Variants in PLEKHM2 observed in about 807,000 individuals in gnomAD.
The protein encoded by PLEKHM2 is pleckstrin homology and RUN domain containing M2.
Under a neutral mutation model 116.3 loss-of-function variants are expected in PLEKHM2, and 77 were observed. The observed-to-expected ratio is 0.66, with a 90% confidence interval of 0.55 to 0.80. PLEKHM2 has a LOEUF of 0.80. Ranked by LOEUF, PLEKHM2 falls within the 30% of genes least tolerant of loss-of-function variation. The probability of loss-of-function intolerance (pLI) is 0.00; values close to 1 mark genes in which losing one functional copy is unlikely to be tolerated. For missense variants in PLEKHM2, 1,183 were observed against 1,354.9 expected (o/e 0.87, Z 1.99); for synonymous variants, 562 against 571.0 (o/e 0.98, Z 0.22).
At chr1:15,723,834 GT>G (rs2068026164) in intron 7 of PLEKHM2, among the ~76,000 whole-genome samples, 1 of 152,144 alleles carries the variant, frequency 6.6e-6, no homozygotes, top group African/African-American at 2.4e-5. Flanking sequence ...TTGACAGCTG[GT>G]TGGGCCCCCA....
intron 1 of PLEKHM2, among the ~76,000 whole-genome samples, chr1:15,706,832 T>G (rs1641236508): frequency 6.6e-6 from 1 of 152,248 alleles, no homozygotes; most frequent in Admixed American, 6.5e-5. Context: ...AATTTATCTC[T>G]GCCACCGTGT....
At chr1:15,696,958 AT>A (rs1462755273) in intron 1 of PLEKHM2, among the ~76,000 whole-genome samples, 1 of 152,070 alleles carries the variant, frequency 6.6e-6, no homozygotes, top group Non-Finnish European at 1.5e-5. Flanking sequence ...TCCCCCCAGG[AT>A]CCCCCAGCCT....
At position 15,728,236 on chromosome 1, in the gene PLEKHM2, C is replaced by G; in HGVS notation, c.1831-31C>G. ...CCCCCGCTGGAGCGGCAGGAGCCAC[C>G]TGCCTGACCCTTGTCTGCTTCGGCC... On this transcript the variant is annotated intron_variant, in intron 10 of 19. Transcript: ENST00000375799. The surrounding 1 kb of genome is among the most constrained non-coding windows in gnomAD (Gnocchi z 5.9). The G allele has an allele frequency of 6.2e-7, 1 of 1,610,568 alleles. No individual in the cohort carries two copies.
Position 15,729,745 on chromosome 1 carries a change from A to G in PLEKHM2, c.2076-52A>G, listed in dbSNP as rs934111073. Reference sequence around the variant, plus strand: ...CAGCGCTCAAGACTAAGCCCTGTCCAGTTGAGGCCCTGTTCCCAGGCCTCT... The same window carrying G: ...CAGCGCTCAAGACTAAGCCCTGTCCGGTTGAGGCCCTGTTCCCAGGCCTCT... On this transcript the variant is annotated intron_variant, in intron 13 of 19. Transcript: ENST00000375799. The surrounding 1 kb of genome is among the most constrained non-coding windows in gnomAD (Gnocchi z 4.7). 1.9e-6 allele frequency: 3 copies of G among 1,539,796 alleles called. No individual in the cohort carries two copies. In the African/African-American group the frequency reaches 4.1e-5, roughly 21 times the overall value.
rs887589197 is a variant in PLEKHM2 at position 15,721,595 on chromosome 1, T to C, written c.712+207T>C. On this transcript the variant is annotated intron_variant, in intron 7 of 19. Coordinates refer to ENST00000375799, the MANE Select transcript of PLEKHM2 (RefSeq NM_015164.4). The surrounding 1 kb of genome is among the most constrained non-coding windows in gnomAD (Gnocchi z 5.1). The stretch of plus-strand genomic sequence containing the variant: ...CAAATCCCTTCTCCCAGTGCAGGGC[T>C]CCTGCCTTTGCTCAGTGGCCTTTCG... Among the ~76,000 whole-genome samples, 1 of 152,170 alleles carries C rather than the reference T, an allele frequency of 6.6e-6. No individual in the cohort carries two copies. Among genetic ancestry groups the C allele is most frequent in the Non-Finnish European group, 1.5e-5 (1 of 68,022 alleles).
intron 7 of PLEKHM2, among the ~76,000 whole-genome samples, chr1:15,724,413 T>C (rs1314926787): frequency 1.3e-5 from 2 of 150,066 alleles, no homozygotes; most frequent in African/African-American, 4.9e-5. Flanking sequence ...AACCCGGGAG[T>C]TGGAGGTTGT....
intron 8 of PLEKHM2, 142 bp downstream of exon 8, chr1:15,725,687 G>C: frequency 1.6e-6 from 1 of 631,452 alleles, no homozygotes; most frequent in Non-Finnish European, 2.8e-6. Context: ...CCCACCTCTA[G>C]GAGGTTCTTT....
chr1:15,689,880 C>G (rs936096169), intron 1 of PLEKHM2, among the ~76,000 whole-genome samples: 1 of 152,130 alleles, frequency 6.6e-6, no homozygotes, highest in Non-Finnish European at 1.5e-5. Context: ...CCTCAGCCTC[C>G]CAAGTAGCTG....
intron 7 of PLEKHM2, among the ~76,000 whole-genome samples, chr1:15,724,882 G>T (rs1401586904): frequency 6.6e-6 from 1 of 152,162 alleles, no homozygotes; most frequent in African/African-American, 2.4e-5. Context: ...GGCTAACGGG[G>T]CTGCTGGGTA....
Position 15,727,165 on chromosome 1 carries a change from C to G in PLEKHM2, c.1093C>G (p.Pro365Ala), listed in dbSNP as rs564943857. ...CAGCCCAAGCCTTGGGCGGGACTCGCCAGACACTATGCTTGCCTCCCCCCA... is the reference window on the plus strand; with the variant it reads ...CAGCCCAAGCCTTGGGCGGGACTCGGCAGACACTATGCTTGCCTCCCCCCA... Reference protein sequence around the residue: ...NGSPSLGRDSPDTMLASPQEE... With the variant: ...NGSPSLGRDSADTMLASPQEE... The change falls in exon 9 of 20, where the codon CCA becomes GCA. Residue 365 changes from proline (P) to alanine (A), a missense_variant. Coordinates refer to ENST00000375799, the MANE Select transcript of PLEKHM2 (RefSeq NM_015164.4). The surrounding 1 kb of genome is among the most constrained non-coding windows in gnomAD (Gnocchi z 7.5). 6.2e-7 allele frequency: 1 copy of G among 1,602,382 alleles called. No homozygotes were observed. The highest frequency in any genetic ancestry group is 2.2e-5 in the East Asian group (1 of 44,518).
chr1:15,729,026 T>C lies in PLEKHM2; in HGVS notation c.1987-76T>C. The C allele has an allele frequency of 7.2e-7, 1 of 1,379,682 alleles. No individual in the cohort carries two copies. The allele number at this position is 1,379,682 out of a possible 1,614,324, so 85.5% of individuals were successfully genotyped here. On this transcript the variant is annotated intron_variant, in intron 12 of 19. Coordinates refer to ENST00000375799, the MANE Select transcript of PLEKHM2 (RefSeq NM_015164.4). This position sits in a 1 kb window ranked among gnomAD's most constrained non-coding sequence, Gnocchi z 4.7. The stretch of plus-strand genomic sequence containing the variant: ...GTGCTTCTTCCTCCCCAGCAAGCGC[T>C]CAGCCTGGCCAAGCTGCCTTCTCCG...
In PLEKHM2 at chr1:15,684,580, G is replaced by A. The variant is rs1387982717; in HGVS notation, c.22G>A (p.Asp8Asn). The A allele has an allele frequency of 7.6e-7, 1 of 1,310,488 alleles. No homozygotes were observed. 81.2% of individuals were successfully genotyped at this position (1,310,488 alleles called of 1,614,324 possible). ...CGCCATGGAGCCGGGGGAGGTGAAG[G>A]ACCGGATCCTGGAGAACATCTCGCT... Reference protein sequence around the residue: MEPGEVKDRILENISLSV... With the variant: MEPGEVKNRILENISLSV... The change falls in exon 1 of 20, where the codon GAC (aspartate) becomes AAC (asparagine). Residue 8 changes from aspartate to asparagine, a missense_variant. Physicochemically the swap from Asp to Asn is conservative, Grantham distance 23. This residue lies in a region of PLEKHM2 where 217 missense variants were observed against 277.6 expected (regional missense o/e 0.78). Transcript: ENST00000375799.
At chr1:15,709,696 A>G (rs1641292934) in intron 1 of PLEKHM2, among the ~76,000 whole-genome samples, 2 of 152,160 alleles carry the variant, frequency 1.3e-5, no homozygotes, top group South Asian at 4.1e-4. Context: ...TTTGTACTGT[A>G]CTTTTTGCAG....
chr1:15,685,541 GAAAA>G (rs200301672), intron 1 of PLEKHM2, among the ~76,000 whole-genome samples: 7 of 73,510 alleles, frequency 9.5e-5, no homozygotes, highest in South Asian at 6.6e-4. Context: ...CTCAGAAACT[GAAAA>G]AAAAAAAAAA....
Position 15,710,158 on chromosome 1 carries a change from C to T in PLEKHM2, c.61-6079C>T, listed in dbSNP as rs545388500. The stretch of plus-strand genomic sequence containing the variant: ...AGGAGAATGGCGTAAACCTGGGAGG[C>T]GGAGCTTGCAGTGAGCCGAGATCGC... On this transcript the variant is annotated intron_variant, in intron 1 of 19. Coordinates refer to ENST00000375799, the MANE Select transcript of PLEKHM2 (RefSeq NM_015164.4). Among the ~76,000 whole-genome samples the T allele has an allele frequency of 3.3e-3, 471 of 144,814 alleles. 1 individual carries two copies. Among genetic ancestry groups the T allele is most frequent in the African/African-American group, 0.012 (452 of 39,074 alleles).
chr1:15,730,186 A>T (rs2068120744), intron 14 of PLEKHM2, among the ~76,000 whole-genome samples: 1 of 152,198 alleles, frequency 6.6e-6, no homozygotes, highest in South Asian at 2.1e-4. Flanking sequence ...CACGCCTGTA[A>T]TCCCAGCACT....
At chr1:15,694,927 T>A (rs999818935) in intron 1 of PLEKHM2, among the ~76,000 whole-genome samples, 1 of 152,006 alleles carries the variant, frequency 6.6e-6, no homozygotes, top group Admixed American at 6.6e-5. Flanking sequence ...TGGGCTAGTT[T>A]TTGTATTTTT....
chr1:15,724,854 C>A (rs61782448), intron 7 of PLEKHM2, among the ~76,000 whole-genome samples: 16,174 of 152,210 alleles, frequency 0.11, 1,076 homozygotes, highest in South Asian at 0.18. Context: ...ACCTCTCAGC[C>A]CTACAAGTGG....
intron 1 of PLEKHM2, among the ~76,000 whole-genome samples, chr1:15,694,065 G>C (rs998825964): frequency 6.6e-6 from 1 of 152,120 alleles, no homozygotes; most frequent in Non-Finnish European, 1.5e-5. Flanking sequence ...GATAAAACAG[G>C]TTTCTTGGCC....
Sources: gnomAD v4.1 joint callset for allele counts (sites outside exome capture counted in the v4.1 genomes callset) on GRCh38, gnomAD v4.1.1 for gene constraint, gnomAD v4.1.1 regional missense constraint, Gnocchi (gnomAD v3.1) non-coding constraint, MANE v1.5 for transcripts, NCBI Gene and HGNC (gene_info 2026-07-23, HGNC 2026-07-21) for gene names.